JAK2: variants seen among roughly 807,000 people sequenced by gnomAD.
JAK2 encodes tyrosine-protein kinase JAK2.
JAK2 carries 86 observed loss-of-function variants against 139.3 expected under a neutral mutation model. That is an observed-to-expected ratio of 0.62 (90% CI 0.52 to 0.74). JAK2 has a LOEUF of 0.74. Among genes scored for constraint, JAK2 ranks in the 30% least tolerant of loss-of-function variants. The pLI, the probability that JAK2 is intolerant of heterozygous loss-of-function variation, is 0.00. For synonymous variants in JAK2, 490 were observed against 437.7 expected (o/e 1.12, Z -1.49); for missense variants, 1,421 against 1,360.3 (o/e 1.04, Z -0.70).
At chr9:5,004,239 T>C (rs1007947298) in intron 2 of JAK2, among the ~76,000 whole-genome samples, 5 of 152,196 alleles carry the variant, frequency 3.3e-5, no homozygotes, top group African/African-American at 1.2e-4. Flanking sequence ...TTACTCCTCC[T>C]ATCTAACAGA....
intron 4 of JAK2, among the ~76,000 whole-genome samples, chr9:5,035,536 T>C (rs1027809190): frequency 6.6e-6 from 1 of 152,154 alleles, no homozygotes; most frequent in East Asian, 1.9e-4. Context: ...TTATCCACCA[T>C]GATCAAGTGG....
intron 22 of JAK2, chr9:5,107,938 A>G (rs1394728080): frequency 6.6e-6 from 1 of 152,204 alleles, no homozygotes; most frequent in African/African-American, 2.4e-5. Context: ...GCTAAAAATT[A>G]TTCCGACAAT....
At chr9:5,011,651 ATTC>A in intron 2 of JAK2, among the ~76,000 whole-genome samples, 1 of 152,088 alleles carries the variant, frequency 6.6e-6, no homozygotes, top group Non-Finnish European at 1.5e-5. Context: ...TATTATATAT[ATTC>A]TTCTTTTCAT....
At chr9:5,068,039 A>T (rs2130514269) in intron 10 of JAK2, among the ~76,000 whole-genome samples, 1 of 152,214 alleles carries the variant, frequency 6.6e-6, no homozygotes, top group Non-Finnish European at 1.5e-5. Context: ...GCGCACCTGT[A>T]GTCCCAGCTA....
rs149652844 is a variant in JAK2, at chr9:5,127,877, G to A, written c.*1086G>A. ...AAGAGATTTATTTCCTTTTTAGAGG[G>A]GAAATGAGGTAAATAAGTAAAAAAG... is the stretch of plus-strand genomic sequence containing the variant. On this transcript the variant is annotated 3_prime_UTR_variant, in exon 25 of 25. Transcript: ENST00000381652. 1.0e-3 allele frequency: 240 copies of A among 232,292 alleles called. No individual in the cohort carries two copies. The highest frequency in any genetic ancestry group is 5.1e-3 in the African/African-American group (231 of 45,342). 14.4% of individuals were successfully genotyped at this position (232,292 alleles called of 1,614,324 possible). A position where few individuals can be genotyped will look rare whatever the true frequency, so the allele number is the denominator to read the frequency against.
At chr9:5,124,678 C>T (rs1253217215) in intron 23 of JAK2, among the ~76,000 whole-genome samples, 1 of 151,754 alleles carries the variant, frequency 6.6e-6, no homozygotes, top group Admixed American at 6.6e-5. Context: ...CTACAGTAAC[C>T]AAAGCAGCAT....
At chr9:5,125,105 T>A (rs1467778733) in intron 23 of JAK2, among the ~76,000 whole-genome samples, 1 of 151,194 alleles carries the variant, frequency 6.6e-6, no homozygotes, top group African/African-American at 2.4e-5. Flanking sequence ...TATGGAAAAG[T>A]ATGAAAAAAT....
At chr9:5,108,925 G>A (rs1264664022) in intron 22 of JAK2, 8 of 152,082 alleles carry the variant, frequency 5.3e-5, no homozygotes, top group Non-Finnish European at 8.8e-5. Context: ...AACTACGAGT[G>A]AGTCCAAAAC....
intron 4 of JAK2, among the ~76,000 whole-genome samples, chr9:5,033,236 T>C (rs1240354028): frequency 6.6e-6 from 1 of 152,220 alleles, no homozygotes; most frequent in Non-Finnish European, 1.5e-5. Context: ...TCAAGAAATA[T>C]GGGACTATGT....
At chr9:5,022,306 AT>A in intron 3 of JAK2, 93 bp downstream of exon 3, 3 of 744,826 alleles carry the variant, frequency 4.0e-6, no homozygotes, top group Non-Finnish European at 4.2e-6. Context: ...ATATATTTTT[AT>A]TTTTTTAATG....
At chr9:5,114,386 C>A (rs1822945459) in intron 22 of JAK2, 1 of 520,312 alleles carries the variant, frequency 1.9e-6, no homozygotes, top group Non-Finnish European at 3.8e-6. Context: ...TCACGTCCAC[C>A]CTGCTGGTGG....
intron 19 of JAK2, chr9:5,086,048 C>T (rs1486051856): frequency 6.7e-6 from 5 of 743,556 alleles, no homozygotes; most frequent in Non-Finnish European, 1.2e-5. Flanking sequence ...TTAAATGCTT[C>T]ACAAGATTAA....
intron 2 of JAK2, among the ~76,000 whole-genome samples, chr9:5,014,893 T>A (rs1305688272): frequency 6.6e-6 from 1 of 152,116 alleles, no homozygotes; most frequent in Non-Finnish European, 1.5e-5. Flanking sequence ...TTGTGTATTG[T>A]ATTTTGGGAT....
chr9:4,986,686 AT>A (rs34660349), intron 2 of JAK2, among the ~76,000 whole-genome samples: 1 of 152,082 alleles, frequency 6.6e-6, no homozygotes, highest in Non-Finnish European at 1.5e-5. Flanking sequence ...AGTGTTTTGG[AT>A]TTTTTTTAAA....
rs757508742 is a variant in JAK2, at chr9:5,123,083, C to A, written c.3139C>A (p.Leu1047Ile). 13 of 1,610,836 alleles carry A rather than the reference C, an allele frequency of 8.1e-6. No homozygotes were observed. The highest frequency in any genetic ancestry group is 1.1e-5 in the Non-Finnish European group (13 of 1,178,044). ...GAGCTTTGGAGTGGTTCTGTATGAA[C>A]TTTTCACATACATTGAGAAGAGTAA... ...VWSFGVVLYE[L>I]FTYIEKSKSP... Residue 1047 changes from leucine (L) to isoleucine (I), a missense_variant, in exon 23 of 25, where the codon CTT (leucine) becomes ATT (isoleucine). Physicochemically the swap from Leu to Ile is conservative, Grantham distance 5. Transcript: ENST00000381652.
intron 22 of JAK2, chr9:5,112,168 G>A (rs1822638985): frequency 7.3e-6 from 2 of 272,366 alleles, no homozygotes; most frequent in Non-Finnish European, 7.4e-6. Flanking sequence ...GCTGCTACCC[G>A]GCCACCGGGC....
Position 5,081,813 on chromosome 9 carries a change from T to C in JAK2, c.2523T>C (p.Pro841=), listed in dbSNP as rs112584696. The C allele has an allele frequency of 6.2e-7, 1 of 1,613,174 alleles. No homozygotes were observed. The highest frequency in any genetic ancestry group is 1.3e-5 in the African/African-American group (1 of 74,934). Reference sequence around the variant, plus strand: ...CTGGTGCCTTTGAAGACCGGGATCCTACACAGTTTGAAGAGAGACATTTGA... The same window carrying C: ...CTGGTGCCTTTGAAGACCGGGATCCCACACAGTTTGAAGAGAGACATTTGA... ...GFSGAFEDRD[P]TQFEERHLKF... Residue 841 remains proline (P), a synonymous_variant, in exon 19 of 25, where the codon CCT becomes CCC. Coordinates refer to ENST00000381652, the MANE Select transcript of JAK2 (RefSeq NM_004972.4).
chr9:5,058,254 A>G (rs1817907698), intron 8 of JAK2, among the ~76,000 whole-genome samples: 1 of 152,160 alleles, frequency 6.6e-6, no homozygotes, highest in Non-Finnish European at 1.5e-5. Context: ...CTGGGACTGG[A>G]TAATTTATTT....
intron 3 of JAK2, among the ~76,000 whole-genome samples, chr9:5,029,272 G>C (rs760005676): frequency 6.6e-6 from 1 of 152,058 alleles, no homozygotes; most frequent in African/African-American, 2.4e-5. Flanking sequence ...TTGCTGGAGC[G>C]GTCAGAACAC....
Sources: gnomAD v4.1 joint callset for allele counts (sites outside exome capture counted in the v4.1 genomes callset) on GRCh38, gnomAD v4.1.1 for gene constraint, MANE v1.5 for transcripts, NCBI Gene and HGNC (gene_info 2026-07-23, HGNC 2026-07-21) for gene names.